The following KDM2A variants were observed in gnomAD, a reference collection of about 807,000 sequenced individuals.
KDM2A encodes lysine-specific demethylase 2A.
In KDM2A, 3 loss-of-function variants were observed where a neutral mutation model predicts 137.3. The observed-to-expected ratio is 0.02, with a 90% CI of 0.01 to 0.06. The LOEUF is 0.06. Among genes scored for constraint, KDM2A ranks in the 10% least tolerant of loss-of-function variants. KDM2A has a pLI of 1.00. For missense variants in KDM2A, 738 were observed against 1,510.6 expected (o/e 0.49, Z 8.48); for synonymous variants, 512 against 541.5 (o/e 0.95, Z 0.76).
intron 5 of KDM2A, among the ~76,000 whole-genome samples, chr11:67,190,595 A>C (rs1857328122): frequency 6.6e-6 from 1 of 151,548 alleles, no homozygotes; most frequent in African/African-American, 2.4e-5. Context: ...CCCTGTCTCT[A>C]CTGAAAATAC....
intron 10 of KDM2A, among the ~76,000 whole-genome samples, chr11:67,225,042 G>A (rs562274508): frequency 1.8e-4 from 27 of 151,398 alleles, no homozygotes; most frequent in African/African-American, 6.5e-4. Context: ...TCAGCAGGCT[G>A]GTCTCGAACT....
At chr11:67,239,805 G>T (rs1020193082) in intron 12 of KDM2A, among the ~76,000 whole-genome samples, 1 of 152,252 alleles carries the variant, frequency 6.6e-6, no homozygotes, top group Admixed American at 6.5e-5. Flanking sequence ...TTTGGCTGGC[G>T]CCTTCAGAAG....
intron 17 of KDM2A, among the ~76,000 whole-genome samples, chr11:67,251,484 ACT>A (rs1170543848): frequency 6.6e-6 from 1 of 151,958 alleles, no homozygotes. Flanking sequence ...TTTTCCTTAA[ACT>A]CTGGTATATA....
intron 2 of KDM2A, among the ~76,000 whole-genome samples, chr11:67,163,804 CGA>C (rs1856686458): frequency 1.3e-5 from 2 of 151,078 alleles, no homozygotes; most frequent in Middle Eastern, 3.4e-3. Context: ...TGCAGTGAGC[CGA>C]GATAGCACCA....
At chr11:67,203,419 A>G (rs1857701610) in intron 5 of KDM2A, among the ~76,000 whole-genome samples, 2 of 71,728 alleles carry the variant, frequency 2.8e-5, no homozygotes, top group Non-Finnish European at 9.1e-5. Flanking sequence ...TCTAGTAATA[A>G]ATAGTCTATA....
At chr11:67,173,047 G>T (rs1474546164) in intron 2 of KDM2A, among the ~76,000 whole-genome samples, 1 of 152,128 alleles carries the variant, frequency 6.6e-6, no homozygotes, top group African/African-American at 2.4e-5. Context: ...CTGGAGTGCA[G>T]TGGTGCTGTA....
chr11:67,183,982 A>G (rs986021951), intron 5 of KDM2A, among the ~76,000 whole-genome samples: 1 of 150,922 alleles, frequency 6.6e-6, no homozygotes, highest in African/African-American at 2.4e-5. Flanking sequence ...GGTGGCATGC[A>G]CCAATAGTCC....
chr11:67,255,895 T>C lies in KDM2A; in HGVS notation c.*840T>C. On this transcript the variant is annotated 3_prime_UTR_variant, in exon 21 of 21. Coordinates refer to ENST00000529006, the MANE Select transcript of KDM2A (RefSeq NM_012308.3). ...GCCTCCCACTGACTGCCCTTTTCCA[T>C]GTGTCTTCATTCTGCCTGAAGAAGG... is the stretch of plus-strand genomic sequence containing the variant. The C allele has an allele frequency of 4.0e-6, 1 of 249,814 alleles. No individual in the cohort carries two copies. Among genetic ancestry groups the C allele is most frequent in the Non-Finnish European group, 8.1e-6 (1 of 123,732 alleles). The allele number at this position is 249,814 out of a possible 1,614,324, so 15.5% of individuals were successfully genotyped here. A position where few individuals can be genotyped will look rare whatever the true frequency, so the allele number is the denominator to read the frequency against.
intron 19 of KDM2A, 51 bp downstream of exon 19, chr11:67,253,662 T>C: frequency 6.3e-7 from 1 of 1,588,712 alleles, no homozygotes; most frequent in Non-Finnish European, 8.6e-7. Context: ...AGCTTTGTCT[T>C]CCAAACAGAC....
At chr11:67,202,340 G>A (rs1857648366) in intron 5 of KDM2A, among the ~76,000 whole-genome samples, 1 of 152,096 alleles carries the variant, frequency 6.6e-6, no homozygotes, top group Admixed American at 6.6e-5. Context: ...GCAGCAGTAG[G>A]GTTTGAGAGG....
At position 67,254,139 on chromosome 11, in the gene KDM2A, G is replaced by T; in HGVS notation, c.3092-64G>T. ...GGCCAGCAAGTAGCTGTTGCTGCCT[G>T]GAGCCTTGAAGCTGGATTAGAGAAT... On this transcript the variant is annotated intron_variant, in intron 19 of 20. Transcript: ENST00000529006. This position sits in a 1 kb window ranked among gnomAD's most constrained non-coding sequence, Gnocchi z 4.7. The T allele has an allele frequency of 6.8e-7, 1 of 1,464,342 alleles. No homozygotes were observed. The highest frequency in any genetic ancestry group is 9.3e-7 in the Non-Finnish European group (1 of 1,070,446). 90.7% of individuals were successfully genotyped at this position (1,464,342 alleles called of 1,614,324 possible).
At chr11:67,143,499 T>G (rs924600929) in intron 2 of KDM2A, 4 of 152,162 alleles carry the variant, frequency 2.6e-5, no homozygotes, top group Non-Finnish European at 2.9e-5. Context: ...TAACTACTAC[T>G]CAGTCAAGAT....
Position 67,180,200 on chromosome 11 carries a change from C to A in KDM2A, c.164C>A (p.Thr55Asn). ...AACAAATATAATGCCAATTTTGTTACTTTTATGGAAGGAAAAGGTCAGTAT... is the reference window on the plus strand; with the variant it reads ...AACAAATATAATGCCAATTTTGTTAATTTTATGGAAGGAAAAGGTCAGTAT... ...HTNKYNANFV[T>N]FMEGKDFNVE... Residue 55 changes from threonine to asparagine, a missense_variant, in exon 3 of 21, where the codon ACT becomes AAT. Physicochemically the swap from Thr to Asn is moderately conservative, Grantham distance 65. Coordinates refer to ENST00000529006, the MANE Select transcript of KDM2A (RefSeq NM_012308.3). 2 of 1,613,586 alleles carry A rather than the reference C, an allele frequency of 1.2e-6. No homozygotes were observed. Among genetic ancestry groups the A allele is most frequent in the Non-Finnish European group, 8.5e-7 (1 of 1,179,728 alleles).
At chr11:67,141,133 A>G (rs1033302947) in intron 2 of KDM2A, among the ~76,000 whole-genome samples, 1 of 152,038 alleles carries the variant, frequency 6.6e-6, no homozygotes, top group Non-Finnish European at 1.5e-5. Flanking sequence ...TCTCCTAAAC[A>G]TTGTATTTTG....
intron 15 of KDM2A, 42 bp from the exon 16 acceptor site, chr11:67,248,239 C>G: frequency 2.2e-6 from 3 of 1,388,426 alleles, no homozygotes; most frequent in Non-Finnish European, 3.0e-6. Flanking sequence ...ATAAAGGAAG[C>G]TTGAGAGACA....
At chr11:67,176,077 C>T (rs1282172087) in intron 2 of KDM2A, among the ~76,000 whole-genome samples, 1 of 152,164 alleles carries the variant, frequency 6.6e-6, no homozygotes, top group Non-Finnish European at 1.5e-5. Context: ...ATTAAACCTT[C>T]TTTTGGCTTT....
At chr11:67,204,394 G>C (rs928906634) in intron 5 of KDM2A, among the ~76,000 whole-genome samples, 5 of 151,670 alleles carry the variant, frequency 3.3e-5, no homozygotes, top group African/African-American at 9.7e-5. Flanking sequence ...AATCTATTCT[G>C]TCTTGGTGAA....
intron 2 of KDM2A, among the ~76,000 whole-genome samples, chr11:67,171,705 G>T (rs1309627652): frequency 2.6e-5 from 4 of 152,150 alleles, no homozygotes; most frequent in African/African-American, 9.7e-5. Flanking sequence ...ATTATCTTAG[G>T]CAAGAAAAAC....
intron 2 of KDM2A, among the ~76,000 whole-genome samples, chr11:67,127,212 T>C (rs1163678032): frequency 6.6e-6 from 1 of 152,194 alleles, no homozygotes; most frequent in Non-Finnish European, 1.5e-5. Context: ...TCCTCCCATC[T>C]CAGCATGTAG....
Sources: gnomAD v4.1 joint callset for allele counts (sites outside exome capture counted in the v4.1 genomes callset) on GRCh38, gnomAD v4.1.1 for gene constraint, Gnocchi (gnomAD v3.1) non-coding constraint, MANE v1.5 for transcripts, NCBI Gene and HGNC (gene_info 2026-07-23, HGNC 2026-07-21) for gene names.